The following RELN variants were observed in gnomAD, a reference collection of about 807,000 sequenced individuals.
RELN encodes the protein reelin.
Under a neutral mutation model 427.6 loss-of-function variants are expected in RELN, and 108 were observed. That is an observed-to-expected ratio of 0.25 (90% CI 0.22 to 0.30). RELN has a LOEUF of 0.30. Among genes scored for constraint, RELN ranks in the 10% least tolerant of loss-of-function variants. RELN has a pLI of 1.00. For missense variants in RELN, 3,715 were observed against 4,302.8 expected, an observed-to-expected ratio of 0.86 and a Z score of 3.82; for synonymous variants, 1,524 against 1,513.4, an observed-to-expected ratio of 1.01 and a Z score of -0.16.
intron 20 of RELN, among the ~76,000 whole-genome samples, chr7:103,622,871 A>T (rs187276295): frequency 3.5e-4 from 53 of 152,344 alleles, no homozygotes; most frequent in African/African-American, 1.2e-3. Context: ...TCCACAAGCA[A>T]AGGGCCTTTC....
chr7:103,485,616 A>G (rs529578740), intron 61 of RELN, among the ~76,000 whole-genome samples: 33 of 152,274 alleles, frequency 2.2e-4, no homozygotes, highest in African/African-American at 5.8e-4. Context: ...AGGAAATTCA[A>G]TCCTTCTTAT....
chr7:103,653,198 G>C (rs1380459514), intron 13 of RELN, among the ~76,000 whole-genome samples: 1 of 152,038 alleles, frequency 6.6e-6, no homozygotes, highest in Non-Finnish European at 1.5e-5. Flanking sequence ...AACAACCAGA[G>C]CCAATGAGTC....
intron 13 of RELN, among the ~76,000 whole-genome samples, chr7:103,653,547 CA>C (rs1832966093): frequency 1.3e-5 from 2 of 151,944 alleles, no homozygotes; most frequent in Admixed American, 1.3e-4. Flanking sequence ...TCTACTTTTA[CA>C]AAAAATAATT....
chr7:103,515,490 A>G, intron 49 of RELN, 49 bp from the exon 50 acceptor site: 1 of 1,573,242 alleles, frequency 6.4e-7, no homozygotes, highest in Non-Finnish European at 8.5e-7. Flanking sequence ...CTTGTCAAAT[A>G]TCTTCTCTGA....
intron 2 of RELN, among the ~76,000 whole-genome samples, chr7:103,877,299 A>G (rs775577509): frequency 4.6e-5 from 7 of 152,204 alleles, no homozygotes; most frequent in Non-Finnish European, 7.4e-5. Flanking sequence ...TGCATATTGG[A>G]CACTTCCATT....
rs557705163 is a variant in RELN, at chr7:103,904,669, A to T, written c.337+12406T>A. Reference sequence around the variant, plus strand: ...TGTGTGTTTTTGTTTGCCTAAAGGAAAGAAAACAAGTGACTTAATTACTTT... The same window carrying T: ...TGTGTGTTTTTGTTTGCCTAAAGGATAGAAAACAAGTGACTTAATTACTTT... On this transcript the variant is annotated intron_variant, in intron 2 of 64. Transcript: ENST00000428762. Among the ~76,000 whole-genome samples, 38 of 152,314 alleles carry T rather than the reference A, an allele frequency of 2.5e-4. No homozygotes were observed. The East Asian group carries it at 6.0e-3, about 24-fold the overall frequency.
At chr7:103,618,895 G>C (rs186401770) in intron 20 of RELN, among the ~76,000 whole-genome samples, 1 of 152,012 alleles carries the variant, frequency 6.6e-6, no homozygotes, top group African/African-American at 2.4e-5. Flanking sequence ...GGCAGATCAC[G>C]AGGTCAGGAG....
intron 8 of RELN, among the ~76,000 whole-genome samples, chr7:103,703,968 A>G (rs1330493619): frequency 6.6e-6 from 1 of 152,210 alleles, no homozygotes; most frequent in Non-Finnish European, 1.5e-5. Flanking sequence ...TGGTAGTCAT[A>G]AACAAAATTA....
At chr7:103,932,010 A>G (rs1323536056) in intron 1 of RELN, among the ~76,000 whole-genome samples, 1 of 152,240 alleles carries the variant, frequency 6.6e-6, no homozygotes, top group Non-Finnish European at 1.5e-5. Flanking sequence ...CAGAACTACC[A>G]TTCAACCCAG....
chr7:103,707,779 G>A (rs1030596741), intron 8 of RELN, among the ~76,000 whole-genome samples: 2 of 152,170 alleles, frequency 1.3e-5, no homozygotes, highest in African/African-American at 4.8e-5. Flanking sequence ...TTACAGGCAC[G>A]AGCCACCACG....
intron 1 of RELN, among the ~76,000 whole-genome samples, chr7:103,931,103 T>G (rs1795854755): frequency 6.6e-6 from 1 of 152,118 alleles, no homozygotes; most frequent in East Asian, 1.9e-4. Flanking sequence ...ATAGTTTCAG[T>G]GCATCCTTAA....
intron 3 of RELN, among the ~76,000 whole-genome samples, chr7:103,781,930 T>G (rs1156593881): frequency 6.6e-6 from 1 of 152,134 alleles, no homozygotes; most frequent in Non-Finnish European, 1.5e-5. Context: ...TTTTACATAA[T>G]TAGAAATAAT....
chr7:103,854,018 A>G (rs1018881604), intron 2 of RELN, among the ~76,000 whole-genome samples: 2 of 152,146 alleles, frequency 1.3e-5, no homozygotes, highest in Admixed American at 1.3e-4. Flanking sequence ...AAGGTGATGG[A>G]TATGTGAATT....
Position 103,881,974 on chromosome 7 carries a change from A to G in RELN, c.337+35101T>C, listed in dbSNP as rs570182838. 2.6e-3 allele frequency among the ~76,000 whole-genome samples: 397 copies of G among 152,282 alleles called. 2 individuals are homozygous for G. Among genetic ancestry groups the G allele is most frequent in the Admixed American group, 4.3e-3 (65 of 15,294 alleles). ...GCATCCCCTGGTTCATGAAGTGCCAATGAATGAATGAATCAATCAATCAGT... is the reference window on the plus strand; with the variant it reads ...GCATCCCCTGGTTCATGAAGTGCCAGTGAATGAATGAATCAATCAATCAGT... On this transcript the variant is annotated intron_variant, in intron 2 of 64. Coordinates refer to ENST00000428762, the MANE Select transcript of RELN (RefSeq NM_005045.4).
intron 2 of RELN, among the ~76,000 whole-genome samples, chr7:103,900,296 A>G (rs937105268): frequency 3.9e-5 from 6 of 152,156 alleles, no homozygotes; most frequent in African/African-American, 1.4e-4. Context: ...GAAATAAGAG[A>G]GGACACAAAC....
chr7:103,769,595 G>T (rs76746265), intron 4 of RELN, among the ~76,000 whole-genome samples: 2 of 152,122 alleles, frequency 1.3e-5, no homozygotes, highest in African/African-American at 4.8e-5. Context: ...AAGCCCTCGT[G>T]AAGCCTAAAA....
At chr7:103,739,330 T>C (rs1562982429) in intron 6 of RELN, among the ~76,000 whole-genome samples, 1 of 152,240 alleles carries the variant, frequency 6.6e-6, no homozygotes, top group African/African-American at 2.4e-5. Context: ...GTATTTGTGG[T>C]CCCTTACATT....
intron 46 of RELN, among the ~76,000 whole-genome samples, chr7:103,534,397 C>A (rs1407055353): frequency 6.6e-6 from 1 of 152,218 alleles, no homozygotes; most frequent in Non-Finnish European, 1.5e-5. Context: ...AAAGCTAATT[C>A]TCTGCTTTAC....
At chr7:103,670,600 T>C (rs182831648) in intron 11 of RELN, among the ~76,000 whole-genome samples, 117 of 152,074 alleles carry the variant, frequency 7.7e-4, no homozygotes, top group African/African-American at 2.6e-3. Context: ...AGTTTAACAG[T>C]GAAGAATGGG....
Sources: allele counts gnomAD v4.1 joint callset (sites outside exome capture counted in the v4.1 genomes callset), GRCh38; gene constraint gnomAD v4.1.1; transcripts MANE v1.5; gene names NCBI Gene and HGNC (gene_info 2026-07-23, HGNC 2026-07-21).